TPRN: variants seen among roughly 807,000 people sequenced by gnomAD.
The protein encoded by TPRN is chromosome 9 open reading frame 75.
A neutral mutation model predicts 42.6 loss-of-function variants in TPRN; 32 were observed. That is an observed-to-expected ratio of 0.75 (90% confidence interval 0.57 to 1.01). The LOEUF (loss-of-function observed/expected upper bound fraction) is 1.01, where lower values mean the gene tolerates loss of function less well. Among genes scored for constraint, TPRN ranks in the 50% least tolerant of loss-of-function variants. The pLI is 0.00. For missense variants in TPRN, 1,095 were observed against 957.5 expected (o/e 1.14, Z -1.90); for synonymous variants, 541 against 445.6 (o/e 1.21, Z -2.70).
In TPRN at chr9:137,191,783, G is replaced by A. The variant is rs1437400242; in HGVS notation, c.*329C>T. 9.0e-6 allele frequency: 4 copies of A among 442,598 alleles called. No individual in the cohort carries two copies. In the Admixed American group the frequency reaches 1.0e-4, roughly 12 times the overall value. The allele number at this position is 442,598 out of a possible 1,614,324, so 27.4% of individuals were successfully genotyped here. On this transcript the variant is annotated 3_prime_UTR_variant, in exon 4 of 4. Transcript: ENST00000409012. ...CCATGGCCACTGTGAGGCAGGCTGAGGAGACAGGACAGGGAATGGCCAGGT... is the reference window on the plus strand; with the variant it reads ...CCATGGCCACTGTGAGGCAGGCTGAAGAGACAGGACAGGGAATGGCCAGGT...
chr9:137,199,111 GCCT>G lies in TPRN; in HGVS notation c.1598_1600del (p.Glu533del), dbSNP rs775216898. The G allele has an allele frequency of 1.2e-6, 2 of 1,613,224 alleles. No individual in the cohort carries two copies. The highest frequency in any genetic ancestry group is 1.7e-6 in the Non-Finnish European group (2 of 1,179,980). On this transcript the variant is annotated inframe_deletion, in exon 1 of 4. Coordinates refer to ENST00000409012, the MANE Select transcript of TPRN (RefSeq NM_001128228.3). ...CAACGTGGGCCCCAGGAGGCAACTA[GCCT>G]CCTCCTCCTCGGCCTCCCGTGGCCG...
rs999101940 is a variant in TPRN at position 137,200,392 on chromosome 9, G to A, written c.320C>T (p.Pro107Leu). Residue 107 changes from proline (P) to leucine (L), a missense_variant, in exon 1 of 4, where the codon CCG (proline) becomes CTG (leucine). Coordinates refer to ENST00000409012, the MANE Select transcript of TPRN (RefSeq NM_001128228.3). This position sits in a 1 kb window ranked among gnomAD's most constrained non-coding sequence, Gnocchi z 4.3. ...VLIIETVPGF[P>L]PAPPAPGAAQ... The stretch of plus-strand genomic sequence containing the variant: ...GGCCCCCGGGGCGGGCGGCGCGGGC[G>A]GGAAGCCGGGCACCGTCTCGATGAT... 2.4e-4 allele frequency: 268 copies of A among 1,097,218 alleles called. No homozygotes were observed. The highest frequency in any genetic ancestry group is 2.9e-4 in the Non-Finnish European group (261 of 902,616). The allele number at this position is 1,097,218 out of a possible 1,614,324, so 68.0% of individuals were successfully genotyped here. A position where few individuals can be genotyped will look rare whatever the true frequency, so the allele number is the denominator to read the frequency against.
Position 137,200,276 on chromosome 9 carries a change from G to C in TPRN, c.436C>G (p.Pro146Ala). 1.0e-6 allele frequency: 1 copy of C among 982,506 alleles called. No individual in the cohort carries two copies. Among genetic ancestry groups the C allele is most frequent in the Non-Finnish European group, 1.2e-6 (1 of 830,140 alleles). 60.9% of individuals were successfully genotyped at this position (982,506 alleles called of 1,614,324 possible). ...LLERFDPPAA[P>A]RRRGSPERAR... is the part of the protein sequence containing the mutation. ...CGCTCGGGGCTCCCGCGGCGGCGCG[G>C]CGCGGCGGGCGGGTCGAACCTCTCC... Residue 146 changes from proline (P) to alanine (A), a missense_variant, in exon 1 of 4, where the codon CCG becomes GCG. Coordinates refer to ENST00000409012, the MANE Select transcript of TPRN (RefSeq NM_001128228.3). The surrounding 1 kb of genome is among the most constrained non-coding windows in gnomAD (Gnocchi z 4.3).
chr9:137,199,113 C>G lies in TPRN; in HGVS notation c.1599G>C (p.Glu533Asp), dbSNP rs546852586. 2 of 1,612,982 alleles carry G rather than the reference C, an allele frequency of 1.2e-6. No homozygotes were observed. Among genetic ancestry groups the G allele is most frequent in the East Asian group, 4.5e-5 (2 of 44,884 alleles). Residue 533 changes from glutamate to aspartate, a missense_variant, in exon 1 of 4, where the codon GAG (glutamate) becomes GAC (aspartate). Coordinates refer to ENST00000409012, the MANE Select transcript of TPRN (RefSeq NM_001128228.3). ...ACGTGGGCCCCAGGAGGCAACTAGC[C>G]TCCTCCTCCTCGGCCTCCCGTGGCC... ...EPRPREAEEE[E>D]ASCLLGPTLK... is the part of the protein sequence containing the mutation.
Position 137,192,361 on chromosome 9 carries a change from C to T in TPRN, c.1971G>A (p.Leu657=), listed in dbSNP as rs765394001. 9.3e-6 allele frequency: 15 copies of T among 1,612,908 alleles called. No individual in the cohort carries two copies. The highest frequency in any genetic ancestry group is 1.2e-5 in the Non-Finnish European group (14 of 1,180,040). The part of the protein sequence containing the change: ...SSRLPEGSSG[L]SSYTPKHSVA... ...CAGAGTGCTTCGGGGTGTAGCTGGA[C>T]AGGCCTGTGAATGGAGGTGCACATG... Residue 657 remains leucine, a synonymous_variant, in exon 3 of 4, where the codon CTG becomes CTA. Transcript: ENST00000409012.
Position 137,199,166 on chromosome 9 carries a change from G to A in TPRN, c.1546C>T (p.His516Tyr). The change falls in exon 1 of 4, where the codon CAC becomes TAC. Residue 516 changes from histidine (H) to tyrosine (Y), a missense_variant. His to Tyr is a moderately conservative substitution (Grantham distance 83). Transcript: ENST00000409012. The stretch of plus-strand genomic sequence containing the variant: ...GGCTCCCTGTTGGCCTGACTGAAGT[G>A]CTGGTCCTGCAGAGTCCCTGGCTTC... Reference protein sequence around the residue: ...KRKPGTLQDQHFSQANREPRP... With the variant: ...KRKPGTLQDQYFSQANREPRP... 6.2e-7 allele frequency: 1 copy of A among 1,613,252 alleles called. No homozygotes were observed.
chr9:137,200,172 G>C lies in TPRN; in HGVS notation c.540C>G (p.Pro180=). Residue 180 remains proline, a synonymous_variant, in exon 1 of 4, where the codon CCC becomes CCG. Transcript: ENST00000409012. This position sits in a 1 kb window ranked among gnomAD's most constrained non-coding sequence, Gnocchi z 4.3. ...GGCTCGCCCCGCCACCGCGGGGCCCGGGCGCGGCGGGCGGGCTGGGGGCCG... is the reference window on the plus strand; with the variant it reads ...GGCTCGCCCCGCCACCGCGGGGCCCCGGCGCGGCGGGCGGGCTGGGGGCCG... ...PPAAPSPPAA[P]GPRGGGASPG... 1 of 1,102,424 alleles carries C rather than the reference G, an allele frequency of 9.1e-7. No individual in the cohort carries two copies. Among genetic ancestry groups the C allele is most frequent in the Non-Finnish European group, 1.1e-6 (1 of 906,480 alleles). 68.3% of individuals were successfully genotyped at this position (1,102,424 alleles called of 1,614,324 possible). A position where few individuals can be genotyped will look rare whatever the true frequency, so the allele number is the denominator to read the frequency against.
rs1834785255 is a variant in TPRN, at chr9:137,200,250, G to C, written c.462C>G (p.Arg154=). The part of the protein sequence containing the change: ...AAPRRRGSPE[R]ARPPPPPPPP... ...GCGGCGGCGGCGGCGGGGGGCGGGC[G>C]CGCTCGGGGCTCCCGCGGCGGCGCG... Residue 154 remains arginine (R), a synonymous_variant, in exon 1 of 4, where the codon CGC becomes CGG. Coordinates refer to ENST00000409012, the MANE Select transcript of TPRN (RefSeq NM_001128228.3). This position sits in a 1 kb window ranked among gnomAD's most constrained non-coding sequence, Gnocchi z 4.3. 1 of 974,894 alleles carries C rather than the reference G, an allele frequency of 1.0e-6. No individual in the cohort carries two copies. The highest frequency in any genetic ancestry group is 1.8e-5 in the African/African-American group (1 of 55,760). The allele number at this position is 974,894 out of a possible 1,614,324, so 60.4% of individuals were successfully genotyped here.
intron 1 of TPRN, among the ~76,000 whole-genome samples, chr9:137,196,800 A>G (rs2131351712): frequency 6.6e-6 from 1 of 152,262 alleles, no homozygotes; most frequent in South Asian, 2.1e-4. Flanking sequence ...CTCCTGATGG[A>G]CATTCTGGCT....
In TPRN at chr9:137,195,299, G is replaced by A. The variant is rs572381342; in HGVS notation, c.1726-2608C>T. Among the ~76,000 whole-genome samples, 175 of 152,380 alleles carry A rather than the reference G, an allele frequency of 1.1e-3. 2 individuals carry two copies. Among genetic ancestry groups the A allele is most frequent in the African/African-American group, 3.9e-3 (163 of 41,592 alleles). On this transcript the variant is annotated intron_variant, in intron 1 of 3. Coordinates refer to ENST00000409012, the MANE Select transcript of TPRN (RefSeq NM_001128228.3). ...CAAGTGTGGCCCCAGCGCCAGGCAC[G>A]GCCTCCACCCATGAGAAAGCTGAGG...
chr9:137,195,932 C>T (rs1252528602), intron 1 of TPRN, among the ~76,000 whole-genome samples: 1 of 152,196 alleles, frequency 6.6e-6, no homozygotes, highest in Non-Finnish European at 1.5e-5. Context: ...GACGGGGCAC[C>T]TGCCGCTTCT....
At chr9:137,192,391 CGTG>C in intron 2 of TPRN, 26 bp from the exon 3 acceptor site, 2 of 1,612,682 alleles carry the variant, frequency 1.2e-6, no homozygotes, top group Non-Finnish European at 1.7e-6. Context: ...CACATGCAGA[CGTG>C]GACACAGACC....
intron 1 of TPRN, chr9:137,193,521 G>C (rs534146156): frequency 1.3e-5 from 2 of 152,580 alleles, no homozygotes; most frequent in Admixed American, 6.5e-5. Flanking sequence ...CTGGTTCCCA[G>C]GGGTAATGGG....
chr9:137,196,676 G>T (rs1294201484), intron 1 of TPRN, among the ~76,000 whole-genome samples: 1 of 152,226 alleles, frequency 6.6e-6, no homozygotes, highest in African/African-American at 2.4e-5. Flanking sequence ...CCCCACCAGT[G>T]AGTGCTCCTG....
At chr9:137,195,721 G>A (rs1030982598) in intron 1 of TPRN, among the ~76,000 whole-genome samples, 1 of 152,204 alleles carries the variant, frequency 6.6e-6, no homozygotes, top group African/African-American at 2.4e-5. Context: ...AGGGGAGGAG[G>A]GGAGTAGGGC....
intron 1 of TPRN, 119 bp downstream of exon 1, chr9:137,198,868 T>A (rs960227614): frequency 3.8e-5 from 60 of 1,580,216 alleles, no homozygotes; most frequent in South Asian, 1.1e-5. Context: ...CTCAAGTCCA[T>A]GTAGAAACCA....
At chr9:137,197,939 C>T (rs1314580338) in intron 1 of TPRN, among the ~76,000 whole-genome samples, 1 of 152,188 alleles carries the variant, frequency 6.6e-6, no homozygotes, top group Non-Finnish European at 1.5e-5. Context: ...GGGAGTATGG[C>T]ACAGGGAGAG....
At position 137,192,123 on chromosome 9, in the gene TPRN, G is replaced by A. The variant is rs778716199; in HGVS notation, c.2125C>T (p.Leu709=). 2.5e-6 allele frequency: 4 copies of A among 1,613,344 alleles called. No individual in the cohort carries two copies. The highest frequency in any genetic ancestry group is 3.4e-6 in the Non-Finnish European group (4 of 1,180,016). Residue 709 remains leucine, a synonymous_variant, in exon 4 of 4, where the codon CTG becomes TTG. Coordinates refer to ENST00000409012, the MANE Select transcript of TPRN (RefSeq NM_001128228.3). ...DLSDFRSEPA[L]YF ...TGGCAGTGCTGGGCTCAGAAATACA[G>A]GGCTGGCTCGCTGCGGAAGTCCGAG...
chr9:137,195,776 GGTGGTGCT>G (rs1448694885), intron 1 of TPRN, among the ~76,000 whole-genome samples: 1 of 152,194 alleles, frequency 6.6e-6, no homozygotes, highest in Non-Finnish European at 1.5e-5. Context: ...AGCCAGGCCA[GGTGGTGCT>G]CCACGAAGAG....
Sources: gnomAD v4.1 joint callset for allele counts (sites outside exome capture counted in the v4.1 genomes callset) on GRCh38, gnomAD v4.1.1 for gene constraint, Gnocchi (gnomAD v3.1) non-coding constraint, MANE v1.5 for transcripts, NCBI Gene and HGNC (gene_info 2026-07-23, HGNC 2026-07-21) for gene names.